NDUFAF6: variants seen among roughly 807,000 people sequenced by gnomAD.
NDUFAF6 encodes the protein NADH dehydrogenase (ubiquinone) complex I, assembly factor 6.
NDUFAF6 carries 45 observed loss-of-function variants against 40.8 expected under a neutral mutation model. The observed-to-expected ratio is 1.10, with a 90% CI of 0.87 to 1.42. The LOEUF (loss-of-function observed/expected upper bound fraction) is 1.42. Among genes scored for constraint, NDUFAF6 ranks in the 40% most tolerant of loss-of-function variants. NDUFAF6 has a pLI of 0.00. For synonymous variants in NDUFAF6, 185 were observed against 155.9 expected, an observed-to-expected ratio of 1.19 and a Z score of -1.39; for missense variants, 435 against 418.5, an observed-to-expected ratio of 1.04 and a Z score of -0.34.
At chr8:95,080,051 T>A (rs1808773047), downstream of NDUFAF6, among the ~76,000 whole-genome samples, 1 of 87,504 alleles carries the variant, frequency 1.1e-5, no homozygotes, top group Non-Finnish European at 2.2e-5. Context: ...TTTGTAGTGA[T>A]TTTTTGTAGT....
chr8:95,005,257 A>G (rs1826911405), intron 2 of NDUFAF6, among the ~76,000 whole-genome samples: 1 of 152,088 alleles, frequency 6.6e-6, no homozygotes, highest in South Asian at 2.1e-4. Flanking sequence ...ACCAAGCTAG[A>G]TATCTTGAGA....
At chr8:95,042,519 T>G (rs773673289) in intron 4 of NDUFAF6, among the ~76,000 whole-genome samples, 36 of 152,334 alleles carry the variant, frequency 2.4e-4, no homozygotes, top group Middle Eastern at 3.4e-3. Context: ...AAAATAACAC[T>G]TGGCTTTTGA....
At chr8:95,090,277 C>T (rs1053424290) in intron 2 of NDUFAF6, among the ~76,000 whole-genome samples, 2 of 152,190 alleles carry the variant, frequency 1.3e-5, no homozygotes, top group Non-Finnish European at 2.9e-5. Context: ...TAGAATTTCA[C>T]ATTCCTAGGC....
chr8:95,028,901 C>T (rs935431373), intron 1 of NDUFAF6, among the ~76,000 whole-genome samples: 4 of 152,182 alleles, frequency 2.6e-5, no homozygotes, highest in Admixed American at 6.5e-5. Flanking sequence ...GCTTTGCCTT[C>T]GCTGTCCTTA....
intron 2 of NDUFAF6, among the ~76,000 whole-genome samples, chr8:95,013,851 G>A (rs1026075392): frequency 1.3e-5 from 2 of 152,016 alleles, no homozygotes; most frequent in Admixed American, 1.3e-4. Flanking sequence ...TTTGGAAAGA[G>A]GTTCTTTGAT....
downstream of NDUFAF6, among the ~76,000 whole-genome samples, chr8:95,060,442 T>G (rs1487787928): frequency 1.3e-5 from 2 of 152,202 alleles, no homozygotes; most frequent in African/African-American, 4.8e-5. Flanking sequence ...TGAAATAAGT[T>G]TTGGGTAGTT....
At chr8:95,056,905 C>CA (rs33945993) in intron 8 of NDUFAF6, among the ~76,000 whole-genome samples, 125,536 of 141,110 alleles carry the variant, frequency 0.89, 55,856 homozygotes, top group East Asian at 0.99. Context: ...GACTCTGTCT[C>CA]AAAAAAAAAA....
At chr8:95,044,275 G>T (rs1333662380) in intron 4 of NDUFAF6, among the ~76,000 whole-genome samples, 1 of 151,708 alleles carries the variant, frequency 6.6e-6, no homozygotes, top group African/African-American at 2.4e-5. Flanking sequence ...TCTTTTGGGG[G>T]TCATTAAAAT....
chr8:95,014,899 C>T (rs28378156), intron 2 of NDUFAF6, among the ~76,000 whole-genome samples: 21,839 of 152,164 alleles, frequency 0.14, 1,594 homozygotes, highest in Middle Eastern at 0.25. Context: ...TGCATGCTTG[C>T]CAGTGTTGGA....
chr8:94,997,343 C>CAG lies in NDUFAF6; in HGVS notation c.-84+16392_-84+16393dup, dbSNP rs60911286. Among the ~76,000 whole-genome samples the CAG allele has an allele frequency of 9.7e-3, 874 of 90,488 alleles. 16 individuals carry two copies. Among genetic ancestry groups the CAG allele is most frequent in the Middle Eastern group, 0.02 (3 of 152 alleles). The allele number at this position is 90,488 out of a possible 152,430, so 59.4% of individuals were successfully genotyped here. A position where few individuals can be genotyped will look rare whatever the true frequency, so the allele number is the denominator to read the frequency against. ...ACACACACACACACACACACACACA[C>CAG]AGAGAGAGAGAGAGAGAGAGAGACA... On this transcript the variant is annotated intron_variant, in intron 2 of 9. Coordinates refer to the NDUFAF6 transcript ENST00000396111.
chr8:95,015,187 T>C (rs1489393948), intron 2 of NDUFAF6, among the ~76,000 whole-genome samples: 2 of 152,144 alleles, frequency 1.3e-5, no homozygotes, highest in East Asian at 1.9e-4. Flanking sequence ...AGTCCATCTG[T>C]TTGGGACCTC....
intron 1 of NDUFAF6, among the ~76,000 whole-genome samples, chr8:94,961,547 A>G (rs1251206501): frequency 6.6e-6 from 1 of 152,034 alleles, no homozygotes; most frequent in African/African-American, 2.4e-5. Flanking sequence ...TCAGCCTCCC[A>G]GGTAGCTAGG....
intron 1 of NDUFAF6, among the ~76,000 whole-genome samples, chr8:94,930,983 T>C (rs1017327493): frequency 3.3e-5 from 5 of 152,220 alleles, no homozygotes; most frequent in Admixed American, 3.3e-4. Context: ...TTTCTAAAAA[T>C]ACACTTTAAA....
intron 2 of NDUFAF6, among the ~76,000 whole-genome samples, chr8:94,991,616 T>TTTTA (rs371421328): frequency 0.01 from 1,541 of 152,330 alleles, 27 homozygotes; most frequent in African/African-American, 0.035. Flanking sequence ...CTCTAGATAA[T>TTTTA]TTTGTTTCTT....
At chr8:94,994,497 G>C (rs1826332104) in intron 2 of NDUFAF6, among the ~76,000 whole-genome samples, 1 of 151,264 alleles carries the variant, frequency 6.6e-6, no homozygotes, top group African/African-American at 2.4e-5. Flanking sequence ...GTTGCAGTGA[G>C]CCGAGATTGT....
intron 8 of NDUFAF6, among the ~76,000 whole-genome samples, chr8:95,054,632 C>T (rs1248426019): frequency 6.6e-6 from 1 of 151,430 alleles, no homozygotes; most frequent in East Asian, 2.0e-4. Context: ...GAGGGGTTTC[C>T]CCATGTTGGC....
chr8:94,932,055 A>G (rs376328320), intron 1 of NDUFAF6: 6 of 1,607,472 alleles, frequency 3.7e-6, no homozygotes, highest in Non-Finnish European at 5.1e-6. Context: ...ACAGTCTCAA[A>G]GTGAATATAC....
chr8:94,997,534 C>G (rs898984557), intron 2 of NDUFAF6, among the ~76,000 whole-genome samples: 7 of 151,988 alleles, frequency 4.6e-5, no homozygotes, highest in African/African-American at 1.5e-4. Context: ...GGACATTTTA[C>G]TGGGTTTTAA....
Position 94,901,400 on chromosome 8 carries a change from A to T in NDUFAF6, c.-936+5473A>T, listed in dbSNP as rs556311410. Among the ~76,000 whole-genome samples, 4 of 152,034 alleles carry T rather than the reference A, an allele frequency of 2.6e-5. No homozygotes were observed. In the East Asian group the frequency reaches 5.8e-4, roughly 22 times the overall value. ...AGGCTGGGTGGTGGAGATTGGGAGA[A>T]GCACACTCAGGATATACGCTGAAAG... On this transcript the variant is annotated intron_variant, in intron 1 of 14. Coordinates refer to the NDUFAF6 transcript ENST00000396113.
Sources: allele counts gnomAD v4.1 joint callset (sites outside exome capture counted in the v4.1 genomes callset), GRCh38; gene constraint gnomAD v4.1.1; transcripts MANE v1.5; gene names NCBI Gene and HGNC (gene_info 2026-07-23, HGNC 2026-07-21).